The following VEPH1 variants were observed in gnomAD, a reference collection of about 807,000 sequenced individuals.
VEPH1 encodes ventricular zone-expressed PH domain-containing protein homolog 1.
In VEPH1, 80 loss-of-function variants were observed where a neutral mutation model predicts 85.2. The ratio of observed to expected loss-of-function variants is 0.94; its 90% CI spans 0.78 to 1.13. The LOEUF (loss-of-function observed/expected upper bound fraction) is 1.13. VEPH1 is among the 50% of genes most tolerant of loss of function. The probability of loss-of-function intolerance (pLI) is 0.00; values close to 1 mark genes in which losing one functional copy is unlikely to be tolerated. For synonymous variants in VEPH1, 297 were observed against 348.0 expected (o/e 0.85, Z 1.63); for missense variants, 955 against 980.5 (o/e 0.97, Z 0.35).
At position 157,265,923 on chromosome 3, in the gene VEPH1, AT is replaced by A. The variant is rs373901201; in HGVS notation, c.2129-262del. On this transcript the variant is annotated intron_variant, in intron 12 of 13. Transcript: ENST00000362010. The stretch of plus-strand genomic sequence containing the variant: ...CACACAAAGAGCATCTGTTAGCAGT[AT>A]TTAAAGTTTATCTGGATATTTAGCT... Among the ~76,000 whole-genome samples the A allele has an allele frequency of 8.6e-4, 131 of 151,838 alleles. 1 individual carries two copies. In the South Asian group the frequency reaches 0.014, roughly 16 times the overall value.
chr3:157,283,304 A>G (rs1716378519), intron 12 of VEPH1, among the ~76,000 whole-genome samples: 1 of 152,182 alleles, frequency 6.6e-6, no homozygotes, highest in Non-Finnish European at 1.5e-5. Flanking sequence ...ACCTTGCGAA[A>G]ATTACTTAAT....
At chr3:157,436,526 A>G (rs570917452) in intron 4 of VEPH1, among the ~76,000 whole-genome samples, 8 of 152,208 alleles carry the variant, frequency 5.3e-5, no homozygotes, top group African/African-American at 1.9e-4. Context: ...TTGCTTCAGT[A>G]CCCTCTGAAA....
chr3:157,422,777 C>T (rs1007488927), intron 5 of VEPH1, among the ~76,000 whole-genome samples: 2 of 152,194 alleles, frequency 1.3e-5, no homozygotes, highest in Non-Finnish European at 2.9e-5. Flanking sequence ...TCCCTTTATT[C>T]TTATTGTGTC....
At chr3:157,461,445 G>A (rs956861387) in intron 3 of VEPH1, among the ~76,000 whole-genome samples, 1 of 152,200 alleles carries the variant, frequency 6.6e-6, no homozygotes, top group Admixed American at 6.5e-5. Flanking sequence ...GACAGACAAA[G>A]TTCTGTGTTG....
At chr3:157,356,420 C>T (rs1001577401) in intron 9 of VEPH1, among the ~76,000 whole-genome samples, 4 of 152,032 alleles carry the variant, frequency 2.6e-5, no homozygotes, top group Non-Finnish European at 5.9e-5. Context: ...AACTGTAACA[C>T]AGATCATTTC....
At chr3:157,489,762 A>T (rs192387082) in intron 2 of VEPH1, among the ~76,000 whole-genome samples, 13 of 151,958 alleles carry the variant, frequency 8.6e-5, no homozygotes, top group African/African-American at 2.9e-4. Context: ...CATCCAGTAC[A>T]GTGTCTGAAA....
intron 11 of VEPH1, among the ~76,000 whole-genome samples, chr3:157,308,960 T>G (rs1283211291): frequency 6.6e-6 from 1 of 152,158 alleles, no homozygotes; most frequent in African/African-American, 2.4e-5. Flanking sequence ...ACCAGTAAAG[T>G]TAATTATTAT....
At chr3:157,394,713 G>C (rs1225186377) in intron 6 of VEPH1, among the ~76,000 whole-genome samples, 2 of 152,144 alleles carry the variant, frequency 1.3e-5, no homozygotes, top group Non-Finnish European at 2.9e-5. Flanking sequence ...CAGATCTCAT[G>C]AGAACTTACT....
chr3:157,303,198 G>T (rs1238625964), intron 11 of VEPH1, among the ~76,000 whole-genome samples: 1 of 151,986 alleles, frequency 6.6e-6, no homozygotes, highest in East Asian at 1.9e-4. Context: ...TGTGCAAATT[G>T]TTCTCATTGC....
intron 7 of VEPH1, among the ~76,000 whole-genome samples, chr3:157,364,878 A>G (rs1726457418): frequency 6.6e-6 from 1 of 152,228 alleles, no homozygotes; most frequent in Admixed American, 6.5e-5. Flanking sequence ...ACATGTGCTG[A>G]TATGTTTGTA....
At chr3:157,347,064 G>A (rs547750894) in intron 9 of VEPH1, among the ~76,000 whole-genome samples, 24 of 152,210 alleles carry the variant, frequency 1.6e-4, no homozygotes, top group Non-Finnish European at 2.8e-4. Context: ...AGCATTCAAT[G>A]TACATTTGAT....
chr3:157,389,201 T>G (rs1369510478), intron 6 of VEPH1, among the ~76,000 whole-genome samples: 1 of 152,206 alleles, frequency 6.6e-6, no homozygotes, highest in Non-Finnish European at 1.5e-5. Context: ...CAAGGTAATT[T>G]ATGCCTGAAC....
chr3:157,439,207 G>A lies in VEPH1; in HGVS notation c.530-10719C>T, dbSNP rs557536107. ...AAATGTCTTGTGTTTCGCAAACCAC[G>A]TAAAGTCATTGTACATATAATGCAC... is the stretch of plus-strand genomic sequence containing the variant. On this transcript the variant is annotated intron_variant, in intron 4 of 13. Transcript: ENST00000362010. Among the ~76,000 whole-genome samples the A allele has an allele frequency of 2.8e-4, 43 of 152,154 alleles. 1 individual carries two copies. The highest frequency in any genetic ancestry group is 8.8e-5 in the Non-Finnish European group (6 of 68,026).
intron 4 of VEPH1, chr3:157,442,699 T>C: frequency 3.1e-6 from 5 of 1,614,198 alleles, no homozygotes; most frequent in Non-Finnish European, 4.2e-6. Flanking sequence ...AATGGTGAAC[T>C]GGCGGCTACC....
chr3:157,329,064 C>G (rs564111652), intron 9 of VEPH1, among the ~76,000 whole-genome samples: 192 of 152,290 alleles, frequency 1.3e-3, no homozygotes, highest in African/African-American at 4.4e-3. Context: ...TTAGTCCCCC[C>G]TTTTAAGTCG....
chr3:157,347,452 T>C (rs1239618378), intron 9 of VEPH1, among the ~76,000 whole-genome samples: 2 of 152,160 alleles, frequency 1.3e-5, no homozygotes, highest in Non-Finnish European at 2.9e-5. Flanking sequence ...ACATGAAACA[T>C]GGGCCATCAC....
intron 11 of VEPH1, 40 bp downstream of exon 11, chr3:157,313,581 A>T: frequency 6.3e-7 from 1 of 1,596,392 alleles, no homozygotes; most frequent in Non-Finnish European, 8.5e-7. Context: ...GACAATCTTA[A>T]ATCTTGGCCT....
At position 157,378,306 on chromosome 3, in the gene VEPH1, GTATATA is replaced by G. The variant is rs56800722; in HGVS notation, c.1127+2844_1127+2849del. On this transcript the variant is annotated intron_variant, in intron 7 of 13. Transcript: ENST00000362010. ...TCTATGAAAATGCTATTTTTGAATG[GTATATA>G]TATATATATATATATATATATATAT... is the stretch of plus-strand genomic sequence containing the variant. 3.3e-3 allele frequency among the ~76,000 whole-genome samples: 313 copies of G among 94,320 alleles called. 1 individual carries two copies. Among genetic ancestry groups the G allele is most frequent in the Non-Finnish European group, 4.2e-3 (205 of 49,284 alleles). The allele number at this position is 94,320 out of a possible 152,430, so 61.9% of individuals were successfully genotyped here.
At chr3:157,362,639 A>C (rs1726177976) in intron 9 of VEPH1, among the ~76,000 whole-genome samples, 1 of 152,202 alleles carries the variant, frequency 6.6e-6, no homozygotes, top group Admixed American at 6.5e-5. Flanking sequence ...TTTCACTTTC[A>C]GTACAGCATT....
Sources: allele counts gnomAD v4.1 joint callset (sites outside exome capture counted in the v4.1 genomes callset), GRCh38; gene constraint gnomAD v4.1.1; transcripts MANE v1.5; gene names NCBI Gene and HGNC (gene_info 2026-07-23, HGNC 2026-07-21).